NAALAD2: variants seen among roughly 807,000 people sequenced by gnomAD.
The protein encoded by NAALAD2 is N-acetylated-alpha-linked acidic dipeptidase 2.
NAALAD2 carries 89 observed loss-of-function variants against 95.6 expected under a neutral mutation model. That is an observed-to-expected ratio of 0.93 (90% confidence interval 0.78 to 1.11). The LOEUF (loss-of-function observed/expected upper bound fraction) is 1.11. NAALAD2 is among the 50% of genes least tolerant of loss of function. The pLI is 0.00. For missense variants in NAALAD2, 894 were observed against 872.4 expected, an observed-to-expected ratio of 1.02 and a Z score of -0.31; for synonymous variants, 264 against 294.4, an observed-to-expected ratio of 0.90 and a Z score of 1.06.
rs1002669733 is a variant in NAALAD2 at position 90,167,673 on chromosome 11, C to G, written c.1279-1256C>G. On this transcript the variant is annotated intron_variant, in intron 11 of 18. Transcript: ENST00000534061. ...GATTGTAAATACACCAATCAGCACT[C>G]TGTATCTAGCTCAAGGTTTGTAAAC... Among the ~76,000 whole-genome samples, 3 of 152,164 alleles carry G rather than the reference C, an allele frequency of 2.0e-5. No individual in the cohort carries two copies. In the South Asian group the frequency reaches 6.2e-4, roughly 32 times the overall value.
intron 6 of NAALAD2, among the ~76,000 whole-genome samples, chr11:90,154,502 T>A (rs953585396): frequency 1.3e-5 from 2 of 151,882 alleles, no homozygotes; most frequent in Non-Finnish European, 2.9e-5. Flanking sequence ...CAATGTATTA[T>A]CCTTTTATAT....
At chr11:90,149,504 G>A (rs1314809864) in intron 4 of NAALAD2, among the ~76,000 whole-genome samples, 2 of 151,974 alleles carry the variant, frequency 1.3e-5, no homozygotes, top group African/African-American at 2.4e-5. Flanking sequence ...GCACAATCTC[G>A]GCTCCCTGCA....
chr11:90,158,068 G>A lies in NAALAD2; in HGVS notation c.797-77G>A, dbSNP rs865881145. The A allele has an allele frequency of 1.8e-5, 20 of 1,096,856 alleles. No homozygotes were observed. The Middle Eastern group carries it at 6.3e-4, about 35-fold the overall frequency. The allele number at this position is 1,096,856 out of a possible 1,614,324, so 67.9% of individuals were successfully genotyped here. A position where few individuals can be genotyped will look rare whatever the true frequency, so the allele number is the denominator to read the frequency against. On this transcript the variant is annotated intron_variant, in intron 6 of 18. Coordinates refer to ENST00000534061, the MANE Select transcript of NAALAD2 (RefSeq NM_005467.4). ...TGCAAATGTATAGCAAATCTGCAAC[G>A]GTTATGCAAAAAATCCCTGTATATC...
chr11:90,172,091 A>G (rs548267060), intron 13 of NAALAD2, among the ~76,000 whole-genome samples: 1 of 152,332 alleles, frequency 6.6e-6, no homozygotes, highest in Admixed American at 6.5e-5. Flanking sequence ...ATGATTCAGA[A>G]AATGAAGAGG....
At chr11:90,163,968 G>T in intron 11 of NAALAD2, 1 of 384,090 alleles carries the variant, frequency 2.6e-6, no homozygotes, top group Non-Finnish European at 4.6e-6. Context: ...GATGCTTAGA[G>T]CTAATTTTCA....
chr11:90,155,774 A>G (rs1449024582), intron 6 of NAALAD2, among the ~76,000 whole-genome samples: 2 of 133,186 alleles, frequency 1.5e-5, no homozygotes, highest in African/African-American at 5.6e-5. Flanking sequence ...TTATGTATGT[A>G]ATATGTATTA....
intron 2 of NAALAD2, among the ~76,000 whole-genome samples, chr11:90,137,568 A>G (rs1045428216): frequency 4.6e-5 from 7 of 152,058 alleles, no homozygotes; most frequent in Admixed American, 6.6e-5. Flanking sequence ...GTATTTAGAT[A>G]TAAGTTGTTT....
intron 11 of NAALAD2, chr11:90,163,894 C>T: frequency 2.2e-6 from 1 of 464,406 alleles, no homozygotes; most frequent in Non-Finnish European, 3.7e-6. Flanking sequence ...TCAGTAAGCT[C>T]AGAAAATAAT....
intron 2 of NAALAD2, among the ~76,000 whole-genome samples, chr11:90,143,795 C>A (rs777781947): frequency 2.6e-5 from 4 of 152,144 alleles, no homozygotes; most frequent in Non-Finnish European, 4.4e-5. Flanking sequence ...GTATTAAATG[C>A]ATTTTCAATT....
intron 12 of NAALAD2, 52 bp downstream of exon 12, chr11:90,169,044 CA>C: frequency 7.4e-7 from 1 of 1,343,316 alleles, no homozygotes; most frequent in Non-Finnish European, 1.1e-6. Flanking sequence ...AATTTTACTT[CA>C]AGTAACTTTT....
At chr11:90,149,651 T>C (rs1475763453) in intron 4 of NAALAD2, among the ~76,000 whole-genome samples, 1 of 151,996 alleles carries the variant, frequency 6.6e-6, no homozygotes, top group East Asian at 1.9e-4. Flanking sequence ...TTGGTCAGGC[T>C]AGTCTCGAAC....
intron 8 of NAALAD2, chr11:90,162,540 TTTTC>T (rs1489191003): frequency 2.6e-5 from 4 of 152,140 alleles, no homozygotes; most frequent in African/African-American, 9.7e-5. Context: ...GCTTATACTT[TTTTC>T]TTTATTACAT....
rs958502837 is a variant in NAALAD2, at chr11:90,162,873, AAT to A, written c.990-74_990-73del. Reference sequence around the variant, plus strand: ...TTTCATAATAAAACACTATTATGAAAATAGTTTTTTATAATAAAACACTGTAA... The same window carrying A: ...TTTCATAATAAAACACTATTATGAAAAGTTTTTTATAATAAAACACTGTAA... On this transcript the variant is annotated intron_variant, in intron 8 of 18. Transcript: ENST00000534061. 1.8e-4 allele frequency: 148 copies of A among 813,520 alleles called. No individual in the cohort carries two copies. The African/African-American group carries it at 2.0e-3, about 11-fold the overall frequency. The allele number at this position is 813,520 out of a possible 1,614,324, so 50.4% of individuals were successfully genotyped here.
In NAALAD2 at chr11:90,155,367, GTAATAT is replaced by G. The variant is rs1565522484; in HGVS notation, c.797-2775_797-2770del. ...ATATTATATATTACATGTATAATAT[GTAATAT>G]TACATATTATACATGTAATATATAA... On this transcript the variant is annotated intron_variant, in intron 6 of 18. Coordinates refer to ENST00000534061, the MANE Select transcript of NAALAD2 (RefSeq NM_005467.4). 4.8e-5 allele frequency among the ~76,000 whole-genome samples: 4 copies of G among 84,116 alleles called. 1 individual carries two copies. The highest frequency in any genetic ancestry group is 2.5e-4 in the African/African-American group (4 of 16,290). The allele number at this position is 84,116 out of a possible 152,430, so 55.2% of individuals were successfully genotyped here.
At chr11:90,164,153 A>T (rs1432551722) in intron 11 of NAALAD2, 3 of 154,646 alleles carry the variant, frequency 1.9e-5, no homozygotes, top group Non-Finnish European at 4.3e-5. Flanking sequence ...TAAAGTGATA[A>T]TTCTGTGAAT....
intron 5 of NAALAD2, 109 bp downstream of exon 5, chr11:90,150,716 TC>T: frequency 2.1e-6 from 2 of 965,136 alleles, no homozygotes; most frequent in Middle Eastern, 3.7e-4. Context: ...ACATTTCTTT[TC>T]TTTTTTTCTT....
chr11:90,176,141 A>G, intron 15 of NAALAD2, 79 bp downstream of exon 15: 1 of 1,064,432 alleles, frequency 9.4e-7, no homozygotes. Context: ...GTTGTTTGGC[A>G]CCAGACACCT....
intron 5 of NAALAD2, among the ~76,000 whole-genome samples, chr11:90,151,303 T>C (rs555501023): frequency 6.6e-6 from 1 of 152,302 alleles, no homozygotes; most frequent in African/African-American, 2.4e-5. Context: ...GGAAAGTGGC[T>C]GGTACTTAGT....
intron 2 of NAALAD2, among the ~76,000 whole-genome samples, chr11:90,137,699 G>A (rs1235052179): frequency 6.6e-6 from 1 of 152,140 alleles, no homozygotes; most frequent in African/African-American, 2.4e-5. Context: ...CATGTCCTAG[G>A]CTCAAGGGAT....
Sources: gnomAD v4.1 joint callset for allele counts (sites outside exome capture counted in the v4.1 genomes callset) on GRCh38, gnomAD v4.1.1 for gene constraint, MANE v1.5 for transcripts, NCBI Gene and HGNC (gene_info 2026-07-23, HGNC 2026-07-21) for gene names.